Variants in CCDC192 observed in about 807,000 individuals in gnomAD.
CCDC192 encodes coiled-coil domain-containing protein 192.
chr5:127,911,693 A>T (rs1580819023), intron 6 of CCDC192, among the ~76,000 whole-genome samples: 1 of 137,184 alleles, frequency 7.3e-6, no homozygotes, highest in East Asian at 2.1e-4. Flanking sequence ...CTTTTGCCTT[A>T]TACCACTTTT....
chr5:127,735,007 C>T (rs1330643317), intron 2 of CCDC192, among the ~76,000 whole-genome samples: 1 of 138,400 alleles, frequency 7.2e-6, no homozygotes, highest in African/African-American at 2.8e-5. Context: ...TTGCCCATGC[C>T]TATGTCCTGA....
rs116590873 is a variant in CCDC192, at chr5:127,867,913, C to T, written c.412-7625C>T. The stretch of plus-strand genomic sequence containing the variant: ...CAAAGAAAAGAACCTGCAAGTAGAA[C>T]CTCCTTAATCTCAGAAATGGGTTGG... On this transcript the variant is annotated intron_variant, in intron 5 of 6. Coordinates refer to ENST00000514853, the MANE Select transcript of CCDC192 (RefSeq NM_001317938.2). 5.8e-3 allele frequency among the ~76,000 whole-genome samples: 885 copies of T among 152,174 alleles called. 8 individuals carry two copies. The highest frequency in any genetic ancestry group is 0.021 in the African/African-American group (857 of 41,522).
chr5:127,895,847 A>G (rs1752865521), intron 6 of CCDC192, among the ~76,000 whole-genome samples: 1 of 152,178 alleles, frequency 6.6e-6, no homozygotes, highest in South Asian at 2.1e-4. Context: ...TCAAAAAAAA[A>G]AAAAAGTAGT....
intron 2 of CCDC192, among the ~76,000 whole-genome samples, chr5:127,732,869 A>C (rs1217701591): frequency 6.6e-6 from 1 of 152,182 alleles, no homozygotes; most frequent in Non-Finnish European, 1.5e-5. Flanking sequence ...GAAGGAGAGC[A>C]TCAGGGTAAA....
At chr5:127,857,958 T>C (rs1004711362) in intron 5 of CCDC192, among the ~76,000 whole-genome samples, 1 of 152,202 alleles carries the variant, frequency 6.6e-6, no homozygotes, top group Non-Finnish European at 1.5e-5. Flanking sequence ...CTGGGCACTA[T>C]AGCCTGGCCA....
intron 5 of CCDC192, among the ~76,000 whole-genome samples, chr5:127,840,846 A>C (rs1009308903): frequency 5.3e-5 from 8 of 152,182 alleles, no homozygotes; most frequent in African/African-American, 1.9e-4. Flanking sequence ...TTACTCACAT[A>C]TAAAGTTTCT....
At chr5:127,916,517 A>G (rs1165119491) in intron 6 of CCDC192, among the ~76,000 whole-genome samples, 1 of 152,274 alleles carries the variant, frequency 6.6e-6, no homozygotes, top group Non-Finnish European at 1.5e-5. Context: ...TACAAAATGT[A>G]TTTCTTAAAT....
intron 5 of CCDC192, among the ~76,000 whole-genome samples, chr5:127,860,987 A>AT (rs1029576480): frequency 3.3e-5 from 5 of 152,110 alleles, no homozygotes; most frequent in Admixed American, 3.3e-4. Flanking sequence ...GATTTAAAGC[A>AT]TTTTAAGAAG....
At chr5:127,736,942 A>G (rs377183715) in intron 2 of CCDC192, among the ~76,000 whole-genome samples, 23 of 150,604 alleles carry the variant, frequency 1.5e-4, no homozygotes, top group African/African-American at 2.9e-4. Flanking sequence ...AGTTCTGCTC[A>G]GATTTTAGTT....
At chr5:127,704,493 C>T (rs1012405750) in intron 1 of CCDC192, among the ~76,000 whole-genome samples, 2 of 152,052 alleles carry the variant, frequency 1.3e-5, no homozygotes, top group African/African-American at 2.4e-5. Flanking sequence ...TGGCCTGCTT[C>T]GTTAAGTTTT....
chr5:127,831,504 C>T (rs1749795507), intron 5 of CCDC192, among the ~76,000 whole-genome samples: 1 of 151,920 alleles, frequency 6.6e-6, no homozygotes, highest in Admixed American at 6.6e-5. Flanking sequence ...CAACAAAATT[C>T]AATGCCTATA....
intron 6 of CCDC192, among the ~76,000 whole-genome samples, chr5:127,905,293 G>T (rs1753165126): frequency 6.6e-6 from 1 of 152,158 alleles, no homozygotes; most frequent in Admixed American, 6.5e-5. Context: ...ATTAATCTAT[G>T]AAGTTGCGTC....
chr5:127,754,511 A>ACC, intron 3 of CCDC192, 136 bp downstream of exon 3: 1 of 381,446 alleles, frequency 2.6e-6, no homozygotes, highest in Non-Finnish European at 4.6e-6. Flanking sequence ...ACACACACAC[A>ACC]CATTGCAGTA....
At chr5:127,816,347 A>G (rs533329769) in intron 5 of CCDC192, among the ~76,000 whole-genome samples, 79 of 152,308 alleles carry the variant, frequency 5.2e-4, no homozygotes, top group African/African-American at 1.2e-3. Context: ...CCCTAAAGCT[A>G]ATAAGCAAAT....
chr5:127,782,968 C>T (rs1478537436), intron 3 of CCDC192, among the ~76,000 whole-genome samples: 1 of 150,060 alleles, frequency 6.7e-6, no homozygotes, highest in Admixed American at 6.6e-5. Context: ...TTCCTCCTAG[C>T]ATCGCCTTTG....
chr5:127,882,935 A>G (rs1752414359), intron 6 of CCDC192, among the ~76,000 whole-genome samples: 1 of 152,202 alleles, frequency 6.6e-6, no homozygotes, highest in Non-Finnish European at 1.5e-5. Flanking sequence ...AGAGTTCTAC[A>G]GGTAACCTTC....
intron 2 of CCDC192, among the ~76,000 whole-genome samples, chr5:127,725,876 T>A (rs1752291338): frequency 6.6e-6 from 1 of 152,224 alleles, no homozygotes; most frequent in African/African-American, 2.4e-5. Flanking sequence ...TGAAAGATGA[T>A]GCAATACTTT....
intron 6 of CCDC192, among the ~76,000 whole-genome samples, chr5:127,926,530 T>C (rs1753866540): frequency 6.6e-6 from 1 of 151,792 alleles, no homozygotes; most frequent in African/African-American, 2.4e-5. Flanking sequence ...CTAACGGGGG[T>C]GGAGATAATA....
At chr5:127,786,065 T>G in intron 3 of CCDC192, 1 of 701,720 alleles carries the variant, frequency 1.4e-6, no homozygotes, top group Non-Finnish European at 2.6e-6. Context: ...TCATTCTGGA[T>G]TCTAGATACA....
Sources: gnomAD v4.1 joint callset for allele counts (sites outside exome capture counted in the v4.1 genomes callset) on GRCh38, gnomAD v4.1.1 for gene constraint, MANE v1.5 for transcripts, NCBI Gene and HGNC (gene_info 2026-07-23, HGNC 2026-07-21) for gene names.